The following RTN4 variants were observed in gnomAD, a reference collection of about 807,000 sequenced individuals.
RTN4 encodes reticulon-4.
A neutral mutation model predicts 90.4 loss-of-function variants in RTN4; 32 were observed. The observed-to-expected ratio is 0.35, with a 90% CI of 0.27 to 0.48. The LOEUF (loss-of-function observed/expected upper bound fraction) is 0.48. RTN4 is among the 20% of genes least tolerant of loss of function. The probability of loss-of-function intolerance (pLI) is 0.99; values close to 1 mark genes in which losing one functional copy is unlikely to be tolerated. For missense variants in RTN4, 1,706 were observed against 1,430.2 expected, an observed-to-expected ratio of 1.19 and a Z score of -3.11; for synonymous variants, 629 against 552.5, an observed-to-expected ratio of 1.14 and a Z score of -1.94.
the RTN4 span, among the ~76,000 whole-genome samples, chr2:55,132,876 C>A: frequency 1.6e-5 from 2 of 128,756 alleles, no homozygotes; most frequent in Non-Finnish European, 3.2e-5. Context: ...AATTAGTTCT[C>A]ACTCTCCAGT....
In RTN4 at chr2:55,068,101, T is replaced by C. The variant is rs1668425490; in HGVS notation, c.-63+12388A>G. ...AATTTGGCCTTAAGCAGATATGTGG[T>C]TGGAAATGGGAAGAATATTTTAATG... is the stretch of plus-strand genomic sequence containing the variant. On this transcript the variant is annotated intron_variant, in intron 2 of 3. Transcript: ENST00000427710. Among the ~76,000 whole-genome samples the C allele has an allele frequency of 3.3e-5, 5 of 152,316 alleles. No homozygotes were observed. In the South Asian group the frequency reaches 1.0e-3, roughly 32 times the overall value.
At chr2:55,021,654 A>G (rs758634444) in intron 3 of RTN4, among the ~76,000 whole-genome samples, 91 of 152,294 alleles carry the variant, frequency 6.0e-4, no homozygotes, top group Non-Finnish European at 1.1e-3. Flanking sequence ...GATGCCTGTT[A>G]TATAATCAAG....
chr2:55,007,416 A>C (rs1380970268), intron 3 of RTN4, among the ~76,000 whole-genome samples: 1 of 152,116 alleles, frequency 6.6e-6, no homozygotes, highest in East Asian at 1.9e-4. Context: ...AATCCTTTTT[A>C]TTTCTTTTAC....
Position 55,025,815 on chromosome 2 carries a change from C to G in RTN4, c.2284G>C (p.Glu762Gln), listed in dbSNP as rs200560723. The G allele has an allele frequency of 6.8e-6, 11 of 1,613,668 alleles. No homozygotes were observed. The African/African-American group carries it at 1.3e-4, about 20-fold the overall frequency. The part of the protein sequence containing the change: ...SIPDVPQKQD[E>Q]TVMLVKESLT... ...CTTTCTTTCACAAGCATCACAGTTT[C>G]ATCTTGTTTTTGTGGAACGTCAGGT... The change falls in exon 3 of 9, where the codon GAA becomes CAA. Residue 762 changes from glutamate to glutamine, a missense_variant. Coordinates refer to ENST00000337526, the MANE Select transcript of RTN4 (RefSeq NM_020532.5).
intron 6 of RTN4, chr2:54,974,288 A>T (rs1677418271): frequency 4.2e-6 from 1 of 239,664 alleles, no homozygotes; most frequent in African/African-American, 2.3e-5. Flanking sequence ...ACAACCTCAA[A>T]CTTATTTTGA....
Position 55,050,332 on chromosome 2 carries a change from TGCC to T in RTN4, c.-35_-33del, listed in dbSNP as rs757006897. 36 of 1,313,804 alleles carry T rather than the reference TGCC, an allele frequency of 2.7e-5. No individual in the cohort carries two copies. Among genetic ancestry groups the T allele is most frequent in the South Asian group, 7.8e-5 (4 of 51,472 alleles). 81.4% of individuals were successfully genotyped at this position (1,313,804 alleles called of 1,614,324 possible). ...AGGGTGGAGATGATGCTGCAGCTGC[TGCC>T]GCCGCCGCCGGGGCCGCGTCTCAGA... On this transcript the variant is annotated 5_prime_UTR_variant, in exon 1 of 9. Transcript: ENST00000337526. This position sits in a 1 kb window ranked among gnomAD's most constrained non-coding sequence, Gnocchi z 4.6.
intron 4 of RTN4, among the ~76,000 whole-genome samples, chr2:54,984,159 G>A (rs747907541): frequency 2.0e-5 from 3 of 152,086 alleles, no homozygotes; most frequent in Non-Finnish European, 4.4e-5. Flanking sequence ...AGCCTTATCT[G>A]CCAATCTCTT....
upstream of RTN4, among the ~76,000 whole-genome samples, chr2:55,115,674 C>T (rs1272075804): frequency 1.3e-5 from 2 of 152,210 alleles, no homozygotes; most frequent in African/African-American, 2.4e-5. Context: ...TAGTCTATTC[C>T]GGGGCACTAT....
intron 2 of RTN4, among the ~76,000 whole-genome samples, chr2:55,070,846 G>C (rs1029121525): frequency 2.6e-5 from 4 of 151,296 alleles, no homozygotes; most frequent in Non-Finnish European, 4.4e-5. Context: ...GTGCGATCTC[G>C]GCTCACTGCA....
chr2:55,069,458 A>T (rs938669535), intron 2 of RTN4, among the ~76,000 whole-genome samples: 4 of 152,338 alleles, frequency 2.6e-5, no homozygotes, highest in African/African-American at 9.6e-5. Context: ...AAACAAACTG[A>T]AAATATCTGC....
chr2:55,053,095 G>A (rs1393267789), upstream of RTN4, among the ~76,000 whole-genome samples: 2 of 152,104 alleles, frequency 1.3e-5, no homozygotes, highest in Admixed American at 6.6e-5. Context: ...ACTATCTGGT[G>A]CAGAATAAAA....
At chr2:55,002,897 G>A (rs1679947405) in intron 3 of RTN4, among the ~76,000 whole-genome samples, 1 of 152,102 alleles carries the variant, frequency 6.6e-6, no homozygotes, top group Non-Finnish European at 1.5e-5. Context: ...ATCAAGACCT[G>A]CATAAATAGA....
intron 3 of RTN4, among the ~76,000 whole-genome samples, chr2:54,988,553 T>C (rs1678760281): frequency 6.6e-6 from 1 of 152,196 alleles, no homozygotes; most frequent in African/African-American, 2.4e-5. Flanking sequence ...ATAACTCTGC[T>C]CTTAAGATCT....
At chr2:55,073,112 G>C (rs549078344) in intron 2 of RTN4, among the ~76,000 whole-genome samples, 1 of 152,274 alleles carries the variant, frequency 6.6e-6, no homozygotes, top group Admixed American at 6.5e-5. Flanking sequence ...AAAAAGAAAA[G>C]TTTTACTGTA....
chr2:55,048,968 AAC>A, intron 1 of RTN4: 1 of 352,016 alleles, frequency 2.8e-6, no homozygotes, highest in Non-Finnish European at 4.0e-6. Context: ...ACCCCGGCAG[AAC>A]TACGCCCCCT....
In RTN4 at chr2:55,017,266, G is replaced by A. The variant is rs138553284; in HGVS notation, c.3013+7820C>T. Reference sequence around the variant, plus strand: ...CAGTACTTCAGTAAAAAAACTCAAAGGCTATATATACTTTTTCAGAAAAAT... The same window carrying A: ...CAGTACTTCAGTAAAAAAACTCAAAAGCTATATATACTTTTTCAGAAAAAT... On this transcript the variant is annotated intron_variant, in intron 3 of 8. Transcript: ENST00000337526. Among the ~76,000 whole-genome samples the A allele has an allele frequency of 4.4e-3, 673 of 152,022 alleles. 7 individuals carry two copies. The highest frequency in any genetic ancestry group is 0.016 in the African/African-American group (650 of 41,430).
In RTN4 at chr2:55,026,144, T is replaced by A. The variant is rs1202596291; in HGVS notation, c.1955A>T (p.Glu652Val). 6.2e-7 allele frequency: 1 copy of A among 1,613,492 alleles called. No homozygotes were observed. Among genetic ancestry groups the A allele is most frequent in the Non-Finnish European group, 8.5e-7 (1 of 1,179,800 alleles). The change falls in exon 3 of 9, where the codon GAG (glutamate) becomes GTG (valine). Residue 652 changes from glutamate to valine, a missense_variant. By Grantham distance (121) the Glu-to-Val change is moderately radical. Coordinates refer to ENST00000337526, the MANE Select transcript of RTN4 (RefSeq NM_020532.5). Reference protein sequence around the residue: ...SSVNYESIKHEPENPPPYEEA... With the variant: ...SSVNYESIKHVPENPPPYEEA... ...TTCATATGGTGGGGGGTTTTCAGGC[T>A]CATGTTTTATGCTTTCATAATTAAC...
intron 1 of RTN4, chr2:55,049,479 G>A (rs1667969707): frequency 5.9e-6 from 3 of 512,216 alleles, no homozygotes; most frequent in Non-Finnish European, 3.6e-6. Context: ...TCCGTACGCT[G>A]GGCATCACAC....
intron 3 of RTN4, among the ~76,000 whole-genome samples, chr2:54,999,523 G>T (rs1679701508): frequency 6.6e-6 from 1 of 152,104 alleles, no homozygotes; most frequent in South Asian, 2.1e-4. Flanking sequence ...GACAGGGAAT[G>T]GCTGGCAGAA....
Sources: allele counts gnomAD v4.1 joint callset (sites outside exome capture counted in the v4.1 genomes callset), GRCh38; gene constraint gnomAD v4.1.1; non-coding constraint Gnocchi (gnomAD v3.1); transcripts MANE v1.5; gene names NCBI Gene and HGNC (gene_info 2026-07-23, HGNC 2026-07-21).